SNTG1: variants seen among roughly 807,000 people sequenced by gnomAD.
SNTG1 encodes gamma-1-syntrophin.
In SNTG1, 39 loss-of-function variants were observed where a neutral mutation model predicts 74.7. The observed-to-expected ratio is 0.52, with a 90% CI of 0.40 to 0.68. The LOEUF is 0.68. Ranked by LOEUF, SNTG1 falls within the 30% of genes least tolerant of loss-of-function variation. The pLI, the probability that SNTG1 is intolerant of heterozygous loss-of-function variation, is 0.00. For synonymous variants in SNTG1, 254 were observed against 217.1 expected (o/e 1.17, Z -1.49); for missense variants, 685 against 609.5 (o/e 1.12, Z -1.30).
At chr8:50,231,972 C>T (rs1359587231) in intron 2 of SNTG1, among the ~76,000 whole-genome samples, 1 of 151,148 alleles carries the variant, frequency 6.6e-6, no homozygotes, top group Non-Finnish European at 1.5e-5. Context: ...ACTTTGTACT[C>T]CATAAATATA....
rs2088641929 is a variant in SNTG1 at position 50,284,336 on chromosome 8, A to G, written c.-27-109876A>G. Reference sequence around the variant, plus strand: ...ATTGAGATTATAAATTTCAGAGAGCAAGATCACAGAGGTAAATTACCATTT... The same window carrying G: ...ATTGAGATTATAAATTTCAGAGAGCGAGATCACAGAGGTAAATTACCATTT... On this transcript the variant is annotated intron_variant, in intron 2 of 18. Transcript: ENST00000642720. Among the ~76,000 whole-genome samples, 3 of 152,116 alleles carry G rather than the reference A, an allele frequency of 2.0e-5. No individual in the cohort carries two copies. The South Asian group carries it at 6.2e-4, about 32-fold the overall frequency.
At chr8:50,070,257 G>A (rs1167957052) in intron 1 of SNTG1, among the ~76,000 whole-genome samples, 1 of 152,060 alleles carries the variant, frequency 6.6e-6, no homozygotes, top group African/African-American at 2.4e-5. Flanking sequence ...CATTATGTGA[G>A]TTCTTTCCGT....
intron 11 of SNTG1, among the ~76,000 whole-genome samples, chr8:50,544,506 A>G: frequency 6.6e-6 from 1 of 151,992 alleles, no homozygotes; most frequent in East Asian, 1.9e-4. Flanking sequence ...TTAAAAGCGT[A>G]CATTTATTTA....
At chr8:50,074,628 A>G (rs994051734) in intron 1 of SNTG1, among the ~76,000 whole-genome samples, 50 of 152,228 alleles carry the variant, frequency 3.3e-4, no homozygotes, top group Non-Finnish European at 1.3e-4. Flanking sequence ...ATAACTGGTA[A>G]CAGATCACCA....
chr8:50,764,866 C>G (rs1166647218), intron 18 of SNTG1, among the ~76,000 whole-genome samples: 2 of 151,872 alleles, frequency 1.3e-5, no homozygotes, highest in African/African-American at 4.8e-5. Flanking sequence ...AGCCAACACA[C>G]AGAATCAACC....
At chr8:50,225,058 C>T (rs2085258178) in intron 2 of SNTG1, among the ~76,000 whole-genome samples, 1 of 152,026 alleles carries the variant, frequency 6.6e-6, no homozygotes, top group Non-Finnish European at 1.5e-5. Context: ...GCAAGCTCTG[C>T]CTCCTGGGTT....
chr8:50,563,750 C>T (rs2094500663), intron 12 of SNTG1, among the ~76,000 whole-genome samples: 1 of 151,942 alleles, frequency 6.6e-6, no homozygotes, highest in South Asian at 2.1e-4. Context: ...CTTGGAGTCT[C>T]CTAAGAATAC....
At chr8:50,728,058 A>C (rs1423716716) in intron 17 of SNTG1, among the ~76,000 whole-genome samples, 1 of 152,054 alleles carries the variant, frequency 6.6e-6, no homozygotes, top group African/African-American at 2.4e-5. Flanking sequence ...TCCCCATTTG[A>C]GCAGCTGGGA....
intron 2 of SNTG1, among the ~76,000 whole-genome samples, chr8:50,374,396 A>G (rs891132331): frequency 6.6e-6 from 1 of 152,236 alleles, no homozygotes; most frequent in Non-Finnish European, 1.5e-5. Flanking sequence ...AATTTAGTCA[A>G]TATCATTCCT....
intron 2 of SNTG1, among the ~76,000 whole-genome samples, chr8:50,317,834 GT>G (rs149215064): frequency 6.6e-6 from 1 of 152,104 alleles, no homozygotes. Context: ...TGTCTGAGTT[GT>G]TTTTTTGTTT....
chr8:50,153,837 G>C (rs2082158812), intron 1 of SNTG1, among the ~76,000 whole-genome samples: 1 of 152,164 alleles, frequency 6.6e-6, no homozygotes, highest in African/African-American at 2.4e-5. Flanking sequence ...TCCCAGTTAG[G>C]CTACTCGGGA....
At chr8:50,151,118 C>A (rs993045574) in intron 1 of SNTG1, among the ~76,000 whole-genome samples, 1 of 152,146 alleles carries the variant, frequency 6.6e-6, no homozygotes, top group Non-Finnish European at 1.5e-5. Context: ...AGGGATTCAA[C>A]TTCTTCCTGG....
chr8:50,500,665 T>A (rs1467090859), intron 8 of SNTG1, among the ~76,000 whole-genome samples: 1 of 152,218 alleles, frequency 6.6e-6, no homozygotes, highest in Admixed American at 6.5e-5. Context: ...TGAGATTTCT[T>A]TTTTTAAGCA....
intron 15 of SNTG1, among the ~76,000 whole-genome samples, chr8:50,701,621 G>A (rs796119617): frequency 2.6e-5 from 2 of 76,376 alleles, no homozygotes; most frequent in African/African-American, 2.1e-4. Context: ...TCTTCTTCGT[G>A]TTCCTCTTCC....
At chr8:50,687,286 AG>A (rs1303897331) in intron 15 of SNTG1, among the ~76,000 whole-genome samples, 2 of 152,218 alleles carry the variant, frequency 1.3e-5, no homozygotes, top group African/African-American at 4.8e-5. Flanking sequence ...ACAACTAAGT[AG>A]CAGTAGTAAA....
intron 8 of SNTG1, among the ~76,000 whole-genome samples, chr8:50,467,172 T>C (rs1045295658): frequency 6.6e-6 from 1 of 151,966 alleles, no homozygotes. Context: ...AGGTTAATTA[T>C]GTTATCACAG....
chr8:50,783,694 G>A (rs4375012), intron 18 of SNTG1, among the ~76,000 whole-genome samples: 49,167 of 151,910 alleles, frequency 0.32, 8,057 homozygotes, highest in Middle Eastern at 0.43. Context: ...TGCACGGTGC[G>A]CTGCACCCAG....
intron 2 of SNTG1, among the ~76,000 whole-genome samples, chr8:50,177,082 G>C (rs884561): frequency 0.3 from 44,942 of 152,034 alleles, 6,750 homozygotes; most frequent in South Asian, 0.43. Flanking sequence ...AAAATCTTTA[G>C]GTCACCATCA....
chr8:50,036,736 A>T (rs548076393), intron 1 of SNTG1, among the ~76,000 whole-genome samples: 1 of 152,334 alleles, frequency 6.6e-6, no homozygotes, highest in South Asian at 2.1e-4. Flanking sequence ...TAAACAGGCT[A>T]AAAACCAAAC....
Sources: gnomAD v4.1 joint callset for allele counts (sites outside exome capture counted in the v4.1 genomes callset) on GRCh38, gnomAD v4.1.1 for gene constraint, MANE v1.5 for transcripts, NCBI Gene and HGNC (gene_info 2026-07-23, HGNC 2026-07-21) for gene names.